The following NEK3 variants were observed in gnomAD, a reference collection of about 807,000 sequenced individuals.
NEK3 encodes the protein NIMA related kinase 3.
A neutral mutation model predicts 66.0 loss-of-function variants in NEK3; 54 were observed. The observed-to-expected ratio is 0.82, with a 90% CI of 0.66 to 1.03. NEK3 has a LOEUF of 1.03. NEK3 is among the 50% of genes least tolerant of loss of function. The pLI is 0.00. For synonymous variants in NEK3, 200 were observed against 206.2 expected, an observed-to-expected ratio of 0.97 and a Z score of 0.26; for missense variants, 593 against 603.0, an observed-to-expected ratio of 0.98 and a Z score of 0.17.
intron 10 of NEK3, among the ~76,000 whole-genome samples, chr13:52,143,189 G>A (rs548596703): frequency 6.6e-6 from 1 of 152,184 alleles, no homozygotes; most frequent in South Asian, 2.1e-4. Flanking sequence ...GGTGGCACAT[G>A]CCTGTAATCC....
In NEK3 at chr13:52,133,647, C is replaced by CACACACACACACA. The variant is rs755551629; in HGVS notation, c.1436+41_1436+42insTGTGTGTGTGTGT. On this transcript the variant is annotated intron_variant, in intron 15 of 15. Transcript: ENST00000610828. The stretch of plus-strand genomic sequence containing the variant: ...CACACACACACACACACACACACAC[C>CACACACACACACA]CCCAACCCCAGCTACAGCTTTCTAT... 1.5e-3 allele frequency: 1,559 copies of CACACACACACACA among 1,070,692 alleles called. 24 individuals are homozygous for CACACACACACACA. In the African/African-American group the frequency reaches 0.023, roughly 16 times the overall value. 66.3% of individuals were successfully genotyped at this position (1,070,692 alleles called of 1,614,324 possible). A position where few individuals can be genotyped will look rare whatever the true frequency, so the allele number is the denominator to read the frequency against.
At chr13:52,155,470 A>T (rs1469110408) in intron 2 of NEK3, among the ~76,000 whole-genome samples, 1 of 152,204 alleles carries the variant, frequency 6.6e-6, no homozygotes, top group Non-Finnish European at 1.5e-5. Context: ...TTCCTGCACC[A>T]TTAGGTATAC....
At chr13:52,140,960 T>C in intron 11 of NEK3, 60 bp downstream of exon 11, 1 of 1,381,998 alleles carries the variant, frequency 7.2e-7, no homozygotes, top group South Asian at 1.3e-5. Flanking sequence ...GATTACAGGC[T>C]TGCACCACCA....
At chr13:52,147,830 A>G (rs952450071) in intron 8 of NEK3, among the ~76,000 whole-genome samples, 1 of 152,138 alleles carries the variant, frequency 6.6e-6, no homozygotes, top group African/African-American at 2.4e-5. Flanking sequence ...TGTCTCTAGT[A>G]AAAATACAAA....
chr13:52,152,510 T>G, intron 5 of NEK3, 99 bp downstream of exon 5: 1 of 647,276 alleles, frequency 1.5e-6, no homozygotes. Flanking sequence ...CAAATATTTC[T>G]AAACTAAACA....
In NEK3 at chr13:52,144,885, C is replaced by G. The variant is rs746348273; in HGVS notation, c.610G>C (p.Ala204Pro). ...AGGATAAGATTTTTCCAACTATTTGCCTGAAACTGAAAAGGAAAATTGAAC... is the reference window on the plus strand; with the variant it reads ...AGGATAAGATTTTTCCAACTATTTGGCTGAAACTGAAAAGGAAAATTGAAC... The part of the protein sequence containing the change: ...ELCTLKHPFQ[A>P]NSWKNLILKV... The change falls in exon 9 of 16, where the codon GCA (alanine) becomes CCA (proline). Residue 204 changes from alanine to proline, a missense_variant. Ala to Pro is a conservative substitution (Grantham distance 27). Coordinates refer to ENST00000610828, the MANE Select transcript of NEK3 (RefSeq NM_002498.3). 68 of 1,596,104 alleles carry G rather than the reference C, an allele frequency of 4.3e-5. 1 individual carries two copies. The South Asian group carries it at 5.6e-4, about 13-fold the overall frequency.
chr13:52,154,479 T>A (rs957840405), intron 2 of NEK3, among the ~76,000 whole-genome samples: 1 of 151,470 alleles, frequency 6.6e-6, no homozygotes, highest in Non-Finnish European at 1.5e-5. Context: ...CAGTTTACCA[T>A]CAAAAATAAT....
intron 15 of NEK3, 103 bp downstream of exon 15, chr13:52,133,586 A>C: frequency 7.0e-7 from 1 of 1,421,828 alleles, no homozygotes; most frequent in Non-Finnish European, 9.3e-7. Flanking sequence ...GTCCCTACTA[A>C]ATCTGAAATT....
At chr13:52,153,381 T>C (rs1448382332) in intron 4 of NEK3, among the ~76,000 whole-genome samples, 1 of 152,132 alleles carries the variant, frequency 6.6e-6, no homozygotes, top group Non-Finnish European at 1.5e-5. Flanking sequence ...ATTGGAGCAA[T>C]TTAAATATTT....
In NEK3 at chr13:52,148,457, G is replaced by A. The variant is rs770801231; in HGVS notation, c.561C>T (p.Ser187=). 2.5e-6 allele frequency: 4 copies of A among 1,613,380 alleles called. No homozygotes were observed. The highest frequency in any genetic ancestry group is 2.5e-6 in the Non-Finnish European group (3 of 1,179,654). Residue 187 remains serine (S), a synonymous_variant, in exon 8 of 16, where the codon TCC becomes TCT. Transcript: ENST00000610828. The part of the protein sequence containing the change: ...LPYNNKSDIW[S]LGCILYELCT... The stretch of plus-strand genomic sequence containing the variant: ...AGAGTTCATACAGGATGCAACCCAA[G>A]GACCAGATGTCACTGAAAGCATAAA...
chr13:52,133,616 C>CACACAG, intron 15 of NEK3, 73 bp downstream of exon 15: 1 of 792,706 alleles, frequency 1.3e-6, no homozygotes, highest in Non-Finnish European at 1.6e-6. Flanking sequence ...TAATTTAAAT[C>CACACAG]ACACACACAC....
At chr13:52,135,585 A>G in intron 14 of NEK3, 144 bp downstream of exon 14, 1 of 597,024 alleles carries the variant, frequency 1.7e-6, no homozygotes, top group South Asian at 3.6e-5. Flanking sequence ...GAAACTGGTG[A>G]TGGCTGTACA....
At chr13:52,138,166 A>G (rs1403578904) in intron 11 of NEK3, among the ~76,000 whole-genome samples, 4 of 152,174 alleles carry the variant, frequency 2.6e-5, no homozygotes, top group Non-Finnish European at 1.5e-5. Context: ...GACTACAGGC[A>G]TGTGCCACCA....
At chr13:52,148,708 G>A (rs929773728) in intron 7 of NEK3, among the ~76,000 whole-genome samples, 2 of 152,034 alleles carry the variant, frequency 1.3e-5, no homozygotes, top group African/African-American at 4.8e-5. Flanking sequence ...GTAGCATTTG[G>A]GAATTCAGTA....
Position 52,151,140 on chromosome 13 carries a change from A to G in NEK3, c.548+6T>C, listed in dbSNP as rs1239612029. On this transcript the variant is annotated splice_donor_region_variant and intron_variant, in intron 7 of 15. Transcript: ENST00000610828. ...GGCACCCTGACATCAAATATGCAGC[A>G]CTCACCTTTTATTGTTATAAGGCAG... 6.2e-7 allele frequency: 1 copy of G among 1,601,408 alleles called. No homozygotes were observed. Among genetic ancestry groups the G allele is most frequent in the Admixed American group, 1.7e-5 (1 of 58,114 alleles).
At position 52,154,158 on chromosome 13, in the gene NEK3, G is replaced by A. The variant is rs1484314460; in HGVS notation, c.133C>T (p.Gln45Ter). 2 of 1,602,906 alleles carry A rather than the reference G, an allele frequency of 1.2e-6. No homozygotes were observed. The highest frequency in any genetic ancestry group is 3.4e-5 in the Admixed American group (2 of 58,804). Residue 45 changes from glutamine to a stop codon, truncating the protein, a stop_gained, in exon 3 of 16, where the codon CAG becomes TAG. Coordinates refer to ENST00000610828, the MANE Select transcript of NEK3 (RefSeq NM_002498.3). LOFTEE classifies it high-confidence loss of function. ...IRLPKSFSNT[Q>*]NSRKEAVLLA... Reference sequence around the variant, plus strand: ...AGAACAGCCTCCTTCCTAGAATTCTGTGTATTAGAGAAAGACTAGAAAAAC... The same window carrying A: ...AGAACAGCCTCCTTCCTAGAATTCTATGTATTAGAGAAAGACTAGAAAAAC...
Position 52,144,748 on chromosome 13 carries a change from T to C in NEK3, c.747A>G (p.Thr249=), listed in dbSNP as rs956846209. 1 of 1,613,842 alleles carries C rather than the reference T, an allele frequency of 6.2e-7. No individual in the cohort carries two copies. The highest frequency in any genetic ancestry group is 1.3e-5 in the African/African-American group (1 of 74,928). ...CTACGATGCCTCGAGAGAGAAGCGT[T>C]GTAGCCGAGGGGCGATGTGAGGGAT... The part of the protein sequence containing the change: ...KRNPSHRPSA[T]TLLSRGIVAR... The change falls in exon 9 of 16, where the codon ACA becomes ACG. Residue 249 remains threonine, a synonymous_variant. Transcript: ENST00000610828.
chr13:52,155,282 A>C (rs527645351), intron 2 of NEK3, among the ~76,000 whole-genome samples: 1 of 152,370 alleles, frequency 6.6e-6, no homozygotes, highest in Admixed American at 6.5e-5. Flanking sequence ...CATAGTCTTC[A>C]TGTAATGAAT....
intron 11 of NEK3, among the ~76,000 whole-genome samples, chr13:52,139,970 G>A: frequency 6.6e-6 from 1 of 151,238 alleles, no homozygotes. Flanking sequence ...AAGAGGCCGA[G>A]GCGGGAGGAT....
Sources: allele counts gnomAD v4.1 joint callset (sites outside exome capture counted in the v4.1 genomes callset), GRCh38; gene constraint gnomAD v4.1.1; transcripts MANE v1.5; gene names NCBI Gene and HGNC (gene_info 2026-07-23, HGNC 2026-07-21).